The following PLCB1 variants were observed in gnomAD, a reference collection of about 807,000 sequenced individuals.
PLCB1 encodes 1-phosphatidylinositol 4,5-bisphosphate phosphodiesterase beta-1.
A neutral mutation model predicts 161.8 loss-of-function variants in PLCB1; 46 were observed. The observed-to-expected ratio is 0.28, with a 90% CI of 0.22 to 0.36. The LOEUF is 0.36. Among genes scored for constraint, PLCB1 ranks in the 10% least tolerant of loss-of-function variants. PLCB1 has a pLI of 1.00. For synonymous variants in PLCB1, 517 were observed against 503.7 expected, an observed-to-expected ratio of 1.03 and a Z score of -0.35; for missense variants, 1,016 against 1,472.5, an observed-to-expected ratio of 0.69 and a Z score of 5.07.
At chr20:8,409,996 G>A (rs992424359) in intron 3 of PLCB1, among the ~76,000 whole-genome samples, 2 of 151,484 alleles carry the variant, frequency 1.3e-5, no homozygotes. Context: ...CCATTTTCCT[G>A]ATAGCTAAAA....
chr20:8,394,705 G>A (rs1191830090), intron 3 of PLCB1, among the ~76,000 whole-genome samples: 1 of 152,158 alleles, frequency 6.6e-6, no homozygotes, highest in East Asian at 1.9e-4. Context: ...TAGGCCATTA[G>A]TGCATATGTT....
chr20:8,754,793 A>G (rs747080886), intron 23 of PLCB1, among the ~76,000 whole-genome samples: 2 of 152,216 alleles, frequency 1.3e-5, no homozygotes, highest in African/African-American at 4.8e-5. Flanking sequence ...TTGTTTCAGT[A>G]TAAGATCACC....
At chr20:8,428,272 A>C (rs1176242440) in intron 3 of PLCB1, among the ~76,000 whole-genome samples, 1 of 151,920 alleles carries the variant, frequency 6.6e-6, no homozygotes, top group African/African-American at 2.4e-5. Context: ...CCAGGCTGGA[A>C]TCCAGTGGTG....
intron 2 of PLCB1, among the ~76,000 whole-genome samples, chr20:8,297,295 C>T (rs575946330): frequency 1.2e-4 from 18 of 151,870 alleles, no homozygotes; most frequent in Non-Finnish European, 1.5e-4. Context: ...ACCTAGTATG[C>T]GACTATACCA....
At chr20:8,824,970 T>C (rs929243707) in intron 31 of PLCB1, among the ~76,000 whole-genome samples, 3 of 152,138 alleles carry the variant, frequency 2.0e-5, no homozygotes, top group Non-Finnish European at 4.4e-5. Flanking sequence ...AGGTGAAGCA[T>C]CATTGGAGTA....
intron 31 of PLCB1, among the ~76,000 whole-genome samples, chr20:8,868,769 C>CT (rs1404480337): frequency 2.6e-5 from 4 of 152,122 alleles, no homozygotes; most frequent in Non-Finnish European, 4.4e-5. Flanking sequence ...GCAGCTGGGG[C>CT]TACAGGCACC....
At chr20:8,319,603 G>A (rs982967691) in intron 2 of PLCB1, among the ~76,000 whole-genome samples, 1 of 152,046 alleles carries the variant, frequency 6.6e-6, no homozygotes, top group African/African-American at 2.4e-5. Flanking sequence ...ACAAGAAGGA[G>A]GGGGTGACTT....
At chr20:8,454,056 G>C (rs1269912479) in intron 3 of PLCB1, among the ~76,000 whole-genome samples, 1 of 152,166 alleles carries the variant, frequency 6.6e-6, no homozygotes, top group Non-Finnish European at 1.5e-5. Context: ...CTACACGTCA[G>C]GAAGGGAGGC....
At chr20:8,246,247 A>G (rs6039109) in intron 2 of PLCB1, among the ~76,000 whole-genome samples, 1 of 151,778 alleles carries the variant, frequency 6.6e-6, no homozygotes, top group Non-Finnish European at 1.5e-5. Flanking sequence ...ATCATCTGGT[A>G]AGGGCTTAGC....
intron 9 of PLCB1, among the ~76,000 whole-genome samples, chr20:8,681,392 G>A (rs750427107): frequency 1.3e-5 from 2 of 151,938 alleles, no homozygotes; most frequent in Non-Finnish European, 2.9e-5. Context: ...ATGGAATTTG[G>A]AGCTAAAGTT....
chr20:8,648,023 T>C, intron 6 of PLCB1, 70 bp downstream of exon 6: 1 of 1,161,992 alleles, frequency 8.6e-7, no homozygotes, highest in Non-Finnish European at 1.2e-6. Context: ...GCCATGGCTC[T>C]GTTTTGTTTC....
In PLCB1 at chr20:8,638,752, T is replaced by C. The variant is rs144029904; in HGVS notation, c.385-7350T>C. On this transcript the variant is annotated intron_variant, in intron 4 of 31. Coordinates refer to ENST00000338037, the MANE Select transcript of PLCB1 (RefSeq NM_015192.4). ...AACAAGCATATATTACACCTGTCACTGGTCTAACATGAATTATCCCAATTC... is the reference window on the plus strand; with the variant it reads ...AACAAGCATATATTACACCTGTCACCGGTCTAACATGAATTATCCCAATTC... 5.9e-3 allele frequency among the ~76,000 whole-genome samples: 895 copies of C among 152,292 alleles called. 10 individuals are homozygous for C. Among genetic ancestry groups the C allele is most frequent in the African/African-American group, 0.02 (844 of 41,550 alleles).
intron 30 of PLCB1, 142 bp downstream of exon 30, chr20:8,789,717 GCACTC>G: frequency 1.5e-6 from 1 of 648,586 alleles, no homozygotes; most frequent in Non-Finnish European, 2.8e-6. Flanking sequence ...CACAGGGTGG[GCACTC>G]CTTAATCAAC....
At chr20:8,437,513 A>G (rs1485129854) in intron 3 of PLCB1, among the ~76,000 whole-genome samples, 1 of 152,244 alleles carries the variant, frequency 6.6e-6, no homozygotes, top group Non-Finnish European at 1.5e-5. Context: ...ACACAAATAT[A>G]TGAACACAAA....
intron 3 of PLCB1, among the ~76,000 whole-genome samples, chr20:8,513,398 C>T (rs536840473): frequency 6.6e-6 from 1 of 152,298 alleles, no homozygotes; most frequent in East Asian, 1.9e-4. Context: ...TATGAAGTGA[C>T]AACACGACAC....
At position 8,500,427 on chromosome 20, in the gene PLCB1, A is replaced by G. The variant is rs550130238; in HGVS notation, c.247-127867A>G. On this transcript the variant is annotated intron_variant, in intron 3 of 31. Coordinates refer to ENST00000338037, the MANE Select transcript of PLCB1 (RefSeq NM_015192.4). ...ACCAAATCTTGCCTCAAATGCTAAC[A>G]TCGTGGATGACAACATAGAGCCTAC... is the stretch of plus-strand genomic sequence containing the variant. 2.2e-4 allele frequency among the ~76,000 whole-genome samples: 34 copies of G among 152,314 alleles called. No individual in the cohort carries two copies. The South Asian group carries it at 6.8e-3, about 31-fold the overall frequency.
chr20:8,186,691 G>A (rs1340906562), intron 2 of PLCB1, among the ~76,000 whole-genome samples: 2 of 152,162 alleles, frequency 1.3e-5, no homozygotes, highest in African/African-American at 4.8e-5. Flanking sequence ...GGGATTAAAT[G>A]TGCAAAAACC....
chr20:8,173,052 A>G (rs1222315867), intron 2 of PLCB1, among the ~76,000 whole-genome samples: 1 of 152,170 alleles, frequency 6.6e-6, no homozygotes, highest in Admixed American at 6.5e-5. Context: ...TGGGCAGGGT[A>G]AATGCTCTTC....
Position 8,214,556 on chromosome 20 carries a change from G to A in PLCB1, c.177+64185G>A, listed in dbSNP as rs148234158. ...AAACATTTTCTTTATAAATTACCCT[G>A]TCTCAGGTATTTCTTCATAGCAATG... On this transcript the variant is annotated intron_variant, in intron 2 of 31. Transcript: ENST00000338037. 3.0e-3 allele frequency among the ~76,000 whole-genome samples: 457 copies of A among 152,186 alleles called. 6 individuals carry two copies. The highest frequency in any genetic ancestry group is 9.1e-3 in the African/African-American group (376 of 41,514).
Sources: allele counts gnomAD v4.1 joint callset (sites outside exome capture counted in the v4.1 genomes callset), GRCh38; gene constraint gnomAD v4.1.1; transcripts MANE v1.5; gene names NCBI Gene and HGNC (gene_info 2026-07-23, HGNC 2026-07-21).